The following HDX variants were observed in gnomAD, a reference collection of about 807,000 sequenced individuals.
The protein encoded by HDX is chromosome X open reading frame 43.
A neutral mutation model predicts 45.2 loss-of-function variants in HDX; 19 were observed. That is an observed-to-expected ratio of 0.42 (90% CI 0.29 to 0.62). The LOEUF (loss-of-function observed/expected upper bound fraction) is 0.62, where lower values mean the gene tolerates loss of function less well. Ranked by LOEUF, HDX falls within the 20% of genes least tolerant of loss-of-function variation. The pLI, the probability that HDX is intolerant of heterozygous loss-of-function variation, is 0.20. For synonymous variants in HDX, 188 were observed against 172.8 expected (o/e 1.09, Z -0.69); for missense variants, 532 against 493.9 (o/e 1.08, Z -0.73).
At chrX:84,476,767 C>T (rs1177648446) in intron 2 of HDX, among the ~76,000 whole-genome samples, 1 of 111,294 alleles carries the variant, frequency 9.0e-6, no homozygotes, top group Non-Finnish European at 1.9e-5. Flanking sequence ...GGAAAGTAAG[C>T]AGTCATCCAG....
At chrX:84,439,377 T>C (rs933373596) in intron 5 of HDX, among the ~76,000 whole-genome samples, 3 of 111,125 alleles carry the variant, frequency 2.7e-5, no homozygotes, top group Admixed American at 9.7e-5. Context: ...TCATAATTTT[T>C]TTTTTTTGTT....
At chrX:84,326,065 T>C (rs2036702028) in intron 10 of HDX, 113 bp downstream of exon 10, 1 of 715,759 alleles carries the variant, frequency 1.4e-6, no homozygotes, top group African/African-American at 2.2e-5. Flanking sequence ...AAATATTTCC[T>C]CCATGCCAAG....
At chrX:84,419,047 A>G (rs1305783356) in intron 5 of HDX, among the ~76,000 whole-genome samples, 1 of 111,968 alleles carries the variant, frequency 8.9e-6, no homozygotes, top group African/African-American at 3.2e-5. Flanking sequence ...AGAAAAGAAT[A>G]TGTTGCCTTG....
At chrX:84,349,615 A>G (rs1465812953) in intron 6 of HDX, among the ~76,000 whole-genome samples, 1 of 91,266 alleles carries the variant, frequency 1.1e-5, no homozygotes, top group Non-Finnish European at 2.1e-5. Flanking sequence ...GTGTGTATAT[A>G]TATATATATA....
chrX:84,352,138 CATGA>C (rs2037374960), intron 6 of HDX, among the ~76,000 whole-genome samples: 1 of 112,158 alleles, frequency 8.9e-6, no homozygotes, highest in Admixed American at 9.5e-5. Flanking sequence ...AAATAAAAAA[CATGA>C]ATGAAGTTAA....
intron 6 of HDX, among the ~76,000 whole-genome samples, chrX:84,355,021 C>G (rs974393509): frequency 1.0e-5 from 1 of 99,234 alleles, no homozygotes; most frequent in African/African-American, 3.7e-5. Context: ...AGGCATTGAA[C>G]TCAACCCCAA....
chrX:84,336,675 A>C, intron 8 of HDX, 126 bp downstream of exon 8: 1 of 466,043 alleles, frequency 2.1e-6, no homozygotes, highest in Non-Finnish European at 3.6e-6. Flanking sequence ...TTCATTGGAA[A>C]GAGGTCTGTT....
chrX:84,336,969 T>A, intron 7 of HDX, 89 bp from the exon 8 acceptor site: 1 of 584,434 alleles, frequency 1.7e-6, no homozygotes, highest in Non-Finnish European at 2.6e-6. Flanking sequence ...AATTTCTCTA[T>A]TATAAAAAGA....
chrX:84,381,252 T>C (rs2038181870), intron 5 of HDX, among the ~76,000 whole-genome samples: 1 of 111,210 alleles, frequency 9.0e-6, no homozygotes. Context: ...AAATAATCAA[T>C]AATGTTAAAA....
chrX:84,439,905 A>G (rs1294518683), intron 5 of HDX: 1 of 111,393 alleles, frequency 9.0e-6, no homozygotes, highest in East Asian at 2.8e-4. Flanking sequence ...CAATTCATGT[A>G]TCTTTTATGA....
intron 5 of HDX, among the ~76,000 whole-genome samples, chrX:84,382,948 A>G (rs1314828245): frequency 9.0e-6 from 1 of 111,461 alleles, no homozygotes; most frequent in Non-Finnish European, 1.9e-5. Flanking sequence ...CTGTATCAAA[A>G]CATCTCATGC....
At chrX:84,447,773 A>T (rs1311507798) in intron 4 of HDX, among the ~76,000 whole-genome samples, 1 of 111,630 alleles carries the variant, frequency 9.0e-6, no homozygotes, top group African/African-American at 3.3e-5. Context: ...GCTGAAGCAC[A>T]ACCCATTGGC....
At chrX:84,403,773 G>A (rs2038756985) in intron 5 of HDX, 1 of 111,960 alleles carries the variant, frequency 8.9e-6, no homozygotes, top group Non-Finnish European at 1.9e-5. Flanking sequence ...TCAAAATTAA[G>A]AGACAAACGC....
chrX:84,368,420 T>C (rs1294496301), intron 5 of HDX, among the ~76,000 whole-genome samples: 1 of 111,693 alleles, frequency 9.0e-6, no homozygotes, highest in Non-Finnish European at 1.9e-5. Flanking sequence ...AATTTTATGC[T>C]CCATATATTG....
At chrX:84,476,623 G>A (rs1338895887) in intron 2 of HDX, among the ~76,000 whole-genome samples, 1 of 107,600 alleles carries the variant, frequency 9.3e-6, no homozygotes, top group Non-Finnish European at 1.9e-5. Context: ...AAAGAAAAGA[G>A]CAACAACGAA....
intron 5 of HDX, among the ~76,000 whole-genome samples, chrX:84,390,983 C>G (rs1314926467): frequency 8.9e-6 from 1 of 111,929 alleles, no homozygotes; most frequent in Admixed American, 9.5e-5. Flanking sequence ...CCCCACCTTC[C>G]AGCCTCTGAA....
At chrX:84,354,643 G>A (rs1296753619) in intron 6 of HDX, among the ~76,000 whole-genome samples, 4 of 109,497 alleles carry the variant, frequency 3.7e-5, no homozygotes, top group Non-Finnish European at 7.6e-5. Context: ...TTGACCAAGT[G>A]TTATGGATAA....
In HDX at chrX:84,474,734, T is replaced by C. The variant is rs536777796; in HGVS notation, c.147+517A>G. ...GATTTTTACTACTGAATAACTATGA[T>C]TGTGATAAAGAAAAATTTATTCTCT... On this transcript the variant is annotated intron_variant, in intron 3 of 10. Transcript: ENST00000373177. Among the ~76,000 whole-genome samples, 9 of 112,382 alleles carry C rather than the reference T, an allele frequency of 8.0e-5. No homozygotes were observed. In the South Asian group the frequency reaches 1.8e-3, roughly 23 times the overall value.
intron 5 of HDX, among the ~76,000 whole-genome samples, chrX:84,426,374 C>T (rs1189535835): frequency 3.6e-5 from 4 of 110,906 alleles, no homozygotes; most frequent in African/African-American, 1.3e-4. Context: ...TCATGTCATT[C>T]ACTGCAACCA....
Sources: allele counts gnomAD v4.1 joint callset (sites outside exome capture counted in the v4.1 genomes callset), GRCh38; gene constraint gnomAD v4.1.1; transcripts MANE v1.5; gene names NCBI Gene and HGNC (gene_info 2026-07-23, HGNC 2026-07-21).